The following ROR1 variants were observed in gnomAD, a reference collection of about 807,000 sequenced individuals.
ROR1 encodes the protein inactive tyrosine-protein kinase transmembrane receptor ROR1.
A neutral mutation model predicts 78.8 loss-of-function variants in ROR1; 19 were observed. The ratio of observed to expected loss-of-function variants is 0.24; its 90% CI spans 0.17 to 0.35. ROR1 has a LOEUF of 0.35. Ranked by LOEUF, ROR1 falls within the 10% of genes least tolerant of loss-of-function variation. The pLI, the probability that ROR1 is intolerant of heterozygous loss-of-function variation, is 1.00. For missense variants in ROR1, 917 were observed against 1,177.8 expected (o/e 0.78, Z 3.24); for synonymous variants, 386 against 433.6 (o/e 0.89, Z 1.36).
At chr1:64,113,233 A>G (rs964421096) in intron 4 of ROR1, among the ~76,000 whole-genome samples, 1 of 152,186 alleles carries the variant, frequency 6.6e-6, no homozygotes, top group Admixed American at 6.5e-5. Flanking sequence ...GAATGTGCAT[A>G]CATTAAGGGA....
chr1:63,928,513 A>G (rs1361753509), intron 1 of ROR1, among the ~76,000 whole-genome samples: 3 of 152,210 alleles, frequency 2.0e-5, no homozygotes, highest in Non-Finnish European at 4.4e-5. Flanking sequence ...AGGAGCAGAT[A>G]TGCCCAGTAT....
At chr1:63,891,664 G>A (rs1469127569) in intron 1 of ROR1, among the ~76,000 whole-genome samples, 1 of 152,104 alleles carries the variant, frequency 6.6e-6, no homozygotes, top group Non-Finnish European at 1.5e-5. Context: ...CCTCGAGTAT[G>A]CATCATCCAA....
At chr1:63,790,707 G>A (rs961342400) in intron 1 of ROR1, among the ~76,000 whole-genome samples, 22 of 152,288 alleles carry the variant, frequency 1.4e-4, no homozygotes, top group African/African-American at 5.3e-4. Flanking sequence ...AATGCTGGCT[G>A]CCGGCCCTCA....
intron 4 of ROR1, among the ~76,000 whole-genome samples, chr1:64,087,682 T>A (rs888688791): frequency 6.6e-6 from 1 of 152,206 alleles, no homozygotes; most frequent in Non-Finnish European, 1.5e-5. Flanking sequence ...TTCCAAGGTC[T>A]GGGCAAAAAG....
At chr1:64,157,651 G>A (rs1180658820) in intron 7 of ROR1, among the ~76,000 whole-genome samples, 8 of 152,170 alleles carry the variant, frequency 5.3e-5, no homozygotes, top group African/African-American at 1.9e-4. Context: ...ACATGTACTA[G>A]GGTAACTCAT....
At chr1:64,052,732 C>G (rs1434257972) in intron 4 of ROR1, among the ~76,000 whole-genome samples, 1 of 152,120 alleles carries the variant, frequency 6.6e-6, no homozygotes, top group East Asian at 1.9e-4. Context: ...GTATAGTTAC[C>G]ATGTTTGCTT....
chr1:63,986,960 TG>T (rs953737399), intron 1 of ROR1, among the ~76,000 whole-genome samples: 5 of 150,334 alleles, frequency 3.3e-5, no homozygotes, highest in Non-Finnish European at 7.4e-5. Flanking sequence ...GCATGGGAGG[TG>T]GGCAGCAGCA....
intron 1 of ROR1, among the ~76,000 whole-genome samples, chr1:63,932,937 T>G (rs1340842719): frequency 6.6e-6 from 1 of 152,146 alleles, no homozygotes; most frequent in African/African-American, 2.4e-5. Context: ...GTTCTGAGCC[T>G]TCTTTGCCCA....
chr1:64,157,075 A>G (rs1462940087), intron 7 of ROR1, among the ~76,000 whole-genome samples: 4 of 152,218 alleles, frequency 2.6e-5, no homozygotes, highest in Non-Finnish European at 5.9e-5. Flanking sequence ...CACCTGGTCC[A>G]TAGTAATAAT....
chr1:63,834,589 C>G (rs1441282040), intron 1 of ROR1, among the ~76,000 whole-genome samples: 3 of 152,164 alleles, frequency 2.0e-5, no homozygotes, highest in Admixed American at 6.5e-5. Flanking sequence ...CTATGATGAG[C>G]ACATGGGACT....
chr1:64,046,721 C>G (rs1374349359), intron 2 of ROR1, among the ~76,000 whole-genome samples: 4 of 152,198 alleles, frequency 2.6e-5, no homozygotes, highest in Non-Finnish European at 5.9e-5. Flanking sequence ...CTCCATGGGT[C>G]TCATGGTACC....
intron 2 of ROR1, among the ~76,000 whole-genome samples, chr1:64,039,065 A>G (rs1227675805): frequency 6.6e-6 from 1 of 152,218 alleles, no homozygotes; most frequent in African/African-American, 2.4e-5. Context: ...CCCATTCATG[A>G]GAGAGAACAT....
intron 1 of ROR1, among the ~76,000 whole-genome samples, chr1:63,790,300 G>A (rs556846726): frequency 2.6e-5 from 4 of 152,150 alleles, no homozygotes; most frequent in Admixed American, 1.3e-4. Flanking sequence ...CCTAGAGGCC[G>A]AGATAACTCC....
At chr1:64,175,202 G>A (rs941439091) in intron 8 of ROR1, among the ~76,000 whole-genome samples, 21 of 151,276 alleles carry the variant, frequency 1.4e-4, no homozygotes, top group Non-Finnish European at 2.7e-4. Context: ...GTATCCTTTC[G>A]TAGTTTCTTT....
chr1:63,837,967 T>C (rs1203895003), intron 1 of ROR1, among the ~76,000 whole-genome samples: 3 of 152,318 alleles, frequency 2.0e-5, no homozygotes, highest in Non-Finnish European at 2.9e-5. Context: ...AGGGTTATAA[T>C]GGAGCTGAAA....
chr1:64,050,577 T>C, intron 3 of ROR1, 109 bp from the exon 4 acceptor site: 1 of 1,011,642 alleles, frequency 9.9e-7, no homozygotes, highest in South Asian at 1.4e-5. Flanking sequence ...AAATAAATAC[T>C]ACCTCTGGGT....
intron 2 of ROR1, among the ~76,000 whole-genome samples, chr1:64,046,346 C>G (rs1646783104): frequency 6.6e-6 from 1 of 150,948 alleles, no homozygotes; most frequent in East Asian, 1.9e-4. Flanking sequence ...TTTGAAACTT[C>G]TTCTTCGTCA....
At chr1:63,965,446 T>A (rs554517405) in intron 1 of ROR1, among the ~76,000 whole-genome samples, 1 of 152,246 alleles carries the variant, frequency 6.6e-6, no homozygotes, top group Non-Finnish European at 1.5e-5. Flanking sequence ...ATTTAACATC[T>A]CCCCAGACAT....
chr1:64,104,199 G>T (rs1647691674), intron 4 of ROR1, among the ~76,000 whole-genome samples: 1 of 152,072 alleles, frequency 6.6e-6, no homozygotes, highest in Admixed American at 6.6e-5. Context: ...AGGCTTAGAG[G>T]GGTGAAGCAA....
Sources: gnomAD v4.1 joint callset for allele counts (sites outside exome capture counted in the v4.1 genomes callset) on GRCh38, gnomAD v4.1.1 for gene constraint, MANE v1.5 for transcripts, NCBI Gene and HGNC (gene_info 2026-07-23, HGNC 2026-07-21) for gene names.